Variants in NPAS3 observed in about 807,000 individuals in gnomAD.
NPAS3 encodes neuronal PAS domain protein 3, also known as neuronal PAS domain-containing protein 3.
Under a neutral mutation model 73.1 loss-of-function variants are expected in NPAS3, and 14 were observed. The observed-to-expected ratio is 0.19, with a 90% CI of 0.13 to 0.30. The LOEUF (loss-of-function observed/expected upper bound fraction) is 0.30, where lower values mean the gene tolerates loss of function less well. Ranked by LOEUF, NPAS3 falls within the 10% of genes least tolerant of loss-of-function variation. The pLI is 1.00. For synonymous variants in NPAS3, 620 were observed against 541.5 expected, an observed-to-expected ratio of 1.14 and a Z score of -2.01; for missense variants, 1,096 against 1,250.0, an observed-to-expected ratio of 0.88 and a Z score of 1.86.
intron 4 of NPAS3, among the ~76,000 whole-genome samples, chr14:33,430,182 C>A (rs1025931527): frequency 1.3e-5 from 2 of 152,152 alleles, no homozygotes; most frequent in Non-Finnish European, 2.9e-5. Context: ...AACCCAGGGT[C>A]AAAATCCAGT....
chr14:33,093,227 A>G (rs891995279), intron 2 of NPAS3, among the ~76,000 whole-genome samples: 2 of 152,244 alleles, frequency 1.3e-5, no homozygotes, highest in African/African-American at 4.8e-5. Context: ...TCATCTGACA[A>G]AGGGCTAATA....
At chr14:33,692,127 A>T (rs544235277) in intron 6 of NPAS3, among the ~76,000 whole-genome samples, 15 of 152,300 alleles carry the variant, frequency 9.8e-5, no homozygotes, top group African/African-American at 3.1e-4. Context: ...CAGAATGATG[A>T]ATGCGTGGGC....
intron 4 of NPAS3, among the ~76,000 whole-genome samples, chr14:33,551,423 C>T (rs2055109486): frequency 1.3e-5 from 2 of 152,272 alleles, no homozygotes; most frequent in South Asian, 4.1e-4. Flanking sequence ...GTCAGGTTCA[C>T]ATCATAATTA....
chr14:33,072,187 G>A (rs573477216), intron 2 of NPAS3, among the ~76,000 whole-genome samples: 15 of 152,284 alleles, frequency 9.9e-5, no homozygotes, highest in African/African-American at 3.4e-4. Flanking sequence ...CACTGCGCCT[G>A]GCCAGATTCT....
At chr14:33,498,199 C>T (rs1447559674) in intron 4 of NPAS3, among the ~76,000 whole-genome samples, 1 of 152,112 alleles carries the variant, frequency 6.6e-6, no homozygotes, top group East Asian at 1.9e-4. Flanking sequence ...ACAACAGATG[C>T]TGGAGAGGAT....
At chr14:33,379,408 T>C (rs1263076012) in intron 4 of NPAS3, among the ~76,000 whole-genome samples, 1 of 152,210 alleles carries the variant, frequency 6.6e-6, no homozygotes, top group Admixed American at 6.5e-5. Context: ...AAAAACTTTC[T>C]TATTGTGTAG....
intron 5 of NPAS3, among the ~76,000 whole-genome samples, chr14:33,587,002 A>G (rs1251319961): frequency 2.0e-5 from 3 of 152,216 alleles, no homozygotes; most frequent in Admixed American, 2.0e-4. Context: ...CTCCCCAAAC[A>G]AGGAGCTTTT....
intron 5 of NPAS3, among the ~76,000 whole-genome samples, chr14:33,587,451 T>G (rs1162306197): frequency 6.6e-6 from 1 of 152,144 alleles, no homozygotes; most frequent in Non-Finnish European, 1.5e-5. Context: ...TCTCAGTAGG[T>G]TCCCTACTCT....
At chr14:33,090,600 G>C (rs2042191667) in intron 2 of NPAS3, among the ~76,000 whole-genome samples, 2 of 152,036 alleles carry the variant, frequency 1.3e-5, no homozygotes, top group African/African-American at 4.8e-5. Context: ...GAGACAGAAA[G>C]TTAACAAGGA....
Position 32,962,569 on chromosome 14 carries a change from C to CTTTTTT in NPAS3, c.50+23218_50+23223dup, listed in dbSNP as rs71432096. On this transcript the variant is annotated intron_variant, in intron 1 of 11. Transcript: ENST00000356141. ...TCTTTCTTTCTTTCTTTTTTCTTTTCTTTTTTTTTTTTTTTTTTTTGAGAC... is the reference window on the plus strand; with the variant it reads ...TCTTTCTTTCTTTCTTTTTTCTTTTCTTTTTTTTTTTTTTTTTTTTTTTTTTGAGAC... Among the ~76,000 whole-genome samples, 234 of 110,624 alleles carry CTTTTTT rather than the reference C, an allele frequency of 2.1e-3. 1 individual carries two copies. Among genetic ancestry groups the CTTTTTT allele is most frequent in the Middle Eastern group, 4.9e-3 (1 of 204 alleles). 72.6% of individuals were successfully genotyped at this position (110,624 alleles called of 152,430 possible).
intron 11 of NPAS3, among the ~76,000 whole-genome samples, chr14:33,797,811 C>A (rs913366697): frequency 2.0e-5 from 3 of 151,460 alleles, no homozygotes; most frequent in Non-Finnish European, 4.4e-5. Flanking sequence ...ACACACAATA[C>A]ATATAGATAT....
chr14:33,345,524 T>G (rs2044684957), intron 3 of NPAS3, among the ~76,000 whole-genome samples: 1 of 152,186 alleles, frequency 6.6e-6, no homozygotes, highest in African/African-American at 2.4e-5. Flanking sequence ...AGTTAAGAAG[T>G]ATTCTAGGTC....
At chr14:33,779,969 T>C (rs373683232) in intron 9 of NPAS3, among the ~76,000 whole-genome samples, 10 of 152,242 alleles carry the variant, frequency 6.6e-5, no homozygotes, top group African/African-American at 2.4e-4. Flanking sequence ...CTATTTCTTA[T>C]CTTTCCTGCC....
At chr14:33,262,431 C>G (rs1594540348) in intron 3 of NPAS3, among the ~76,000 whole-genome samples, 1 of 152,280 alleles carries the variant, frequency 6.6e-6, no homozygotes, top group South Asian at 2.1e-4. Flanking sequence ...GATTGAGCAG[C>G]ATTCCAGGAC....
chr14:33,143,329 T>TA (rs1355946122), intron 2 of NPAS3, among the ~76,000 whole-genome samples: 2 of 151,786 alleles, frequency 1.3e-5, no homozygotes, highest in Non-Finnish European at 2.9e-5. Flanking sequence ...CCGTTTCTAC[T>TA]AAAAATACAA....
At chr14:33,077,487 A>T (rs2041698660) in intron 2 of NPAS3, among the ~76,000 whole-genome samples, 1 of 152,220 alleles carries the variant, frequency 6.6e-6, no homozygotes, top group South Asian at 2.1e-4. Context: ...TTGACAGAGC[A>T]GTGAGCTCAT....
At chr14:33,436,576 CT>C (rs1443877516) in intron 4 of NPAS3, among the ~76,000 whole-genome samples, 2 of 152,146 alleles carry the variant, frequency 1.3e-5, no homozygotes. Flanking sequence ...AATGAAACTG[CT>C]GTTTTTATAA....
At chr14:33,671,821 T>C (rs1319273372) in intron 5 of NPAS3, among the ~76,000 whole-genome samples, 1 of 152,220 alleles carries the variant, frequency 6.6e-6, no homozygotes, top group African/African-American at 2.4e-5. Context: ...AATGGGTCTG[T>C]TATCTTGAGT....
chr14:33,663,723 C>G (rs1257220186), intron 5 of NPAS3, among the ~76,000 whole-genome samples: 1 of 152,036 alleles, frequency 6.6e-6, no homozygotes. Context: ...AATTTCAGAA[C>G]TTGTTATTGG....
Sources: gnomAD v4.1 joint callset for allele counts (sites outside exome capture counted in the v4.1 genomes callset) on GRCh38, gnomAD v4.1.1 for gene constraint, MANE v1.5 for transcripts, NCBI Gene and HGNC (gene_info 2026-07-23, HGNC 2026-07-21) for gene names.